TXLNG: variants seen among roughly 807,000 people sequenced by gnomAD.
TXLNG encodes gamma-taxilin.
Under a neutral mutation model 38.8 loss-of-function variants are expected in TXLNG, and 5 were observed. That is an observed-to-expected ratio of 0.13 (90% CI 0.07 to 0.27). The LOEUF is 0.27. TXLNG is among the 10% of genes least tolerant of loss of function. The probability of loss-of-function intolerance (pLI) is 1.00; values close to 1 mark genes in which losing one functional copy is unlikely to be tolerated. For synonymous variants in TXLNG, 182 were observed against 158.2 expected, an observed-to-expected ratio of 1.15 and a Z score of -1.13; for missense variants, 393 against 398.2, an observed-to-expected ratio of 0.99 and a Z score of 0.11.
At chrX:16,840,989 AAT>A (rs1929788248) in intron 9 of TXLNG, among the ~76,000 whole-genome samples, 1 of 110,116 alleles carries the variant, frequency 9.1e-6, no homozygotes, top group Non-Finnish European at 1.9e-5. Flanking sequence ...GAGGTCAGGA[AAT>A]CAAGACCATC....
intron 1 of TXLNG, among the ~76,000 whole-genome samples, chrX:16,815,301 G>A (rs999565157): frequency 1.8e-5 from 2 of 109,569 alleles, no homozygotes; most frequent in Non-Finnish European, 3.8e-5. Flanking sequence ...TCAGCCTCCC[G>A]AGTAGCTGGG....
chrX:16,812,036 C>T (rs1928539838), intron 1 of TXLNG, among the ~76,000 whole-genome samples: 1 of 105,367 alleles, frequency 9.5e-6, no homozygotes, highest in African/African-American at 3.5e-5. Context: ...TGTAGTCTTG[C>T]TCTGTTGCCC....
chrX:16,822,791 C>T (rs900987597), intron 3 of TXLNG, among the ~76,000 whole-genome samples: 23 of 111,952 alleles, frequency 2.1e-4, no homozygotes, highest in African/African-American at 7.5e-4. Context: ...TGGTTGTTCT[C>T]AGACTCACAC....
chrX:16,844,069 C>G lies in TXLNG; in HGVS notation c.*2303C>G, dbSNP rs1454518911. On this transcript the variant is annotated 3_prime_UTR_variant, in exon 10 of 10. Coordinates refer to ENST00000380122, the MANE Select transcript of TXLNG (RefSeq NM_018360.3). Reference sequence around the variant, plus strand: ...TTCACTTAAATTGCAATTGTTGCACCATCATGGAATCGTGATGTGTATTAT... The same window carrying G: ...TTCACTTAAATTGCAATTGTTGCACGATCATGGAATCGTGATGTGTATTAT... 1 of 110,813 alleles carries G rather than the reference C, an allele frequency of 9.0e-6. No individual in the cohort carries two copies. The highest frequency in any genetic ancestry group is 1.9e-5 in the Non-Finnish European group (1 of 53,130). 9.1% of individuals were successfully genotyped at this position (110,813 alleles called of 1,213,427 possible). A position where few individuals can be genotyped will look rare whatever the true frequency, so the allele number is the denominator to read the frequency against.
intron 7 of TXLNG, among the ~76,000 whole-genome samples, chrX:16,834,952 C>T (rs1219560606): frequency 1.8e-5 from 2 of 109,430 alleles, no homozygotes; most frequent in Non-Finnish European, 3.8e-5. Flanking sequence ...GCGGCAGGAT[C>T]GCTTGTGCTG....
chrX:16,810,067 TACTTA>T (rs769464963), intron 1 of TXLNG, among the ~76,000 whole-genome samples: 2 of 111,893 alleles, frequency 1.8e-5, no homozygotes, highest in Non-Finnish European at 3.8e-5. Flanking sequence ...TTAGGCAGGA[TACTTA>T]ACTTTACATG....
At chrX:16,818,199 C>T (rs1477953026) in intron 1 of TXLNG, among the ~76,000 whole-genome samples, 1 of 110,725 alleles carries the variant, frequency 9.0e-6, no homozygotes, top group Non-Finnish European at 1.9e-5. Context: ...GCTAGCCATC[C>T]CTGCTGTACT....
chrX:16,838,179 G>A (rs1484849579), intron 8 of TXLNG, among the ~76,000 whole-genome samples: 1 of 111,431 alleles, frequency 9.0e-6, no homozygotes, highest in Admixed American at 9.6e-5. Flanking sequence ...CAATTCTTTT[G>A]CTTCTGTTGC....
chrX:16,832,758 TAAAAAC>T lies in TXLNG; in HGVS notation c.984+20_984+25del, dbSNP rs1349766190. 15 of 1,171,857 alleles carry T rather than the reference TAAAAAC, an allele frequency of 1.3e-5. No homozygotes were observed. The East Asian group carries it at 3.3e-4, about 26-fold the overall frequency. On this transcript the variant is annotated intron_variant, in intron 6 of 9. Transcript: ENST00000380122. ...GAGAGAGTTTGTAAGTTCTACTTCT[TAAAAAC>T]AAAGACATTATTGCCAACATTGTAA...
At chrX:16,790,357 C>A (rs1927658508) in intron 1 of TXLNG, among the ~76,000 whole-genome samples, 1 of 110,404 alleles carries the variant, frequency 9.1e-6, no homozygotes, top group Non-Finnish European at 1.9e-5. Flanking sequence ...CTACTGACAG[C>A]CACTGATTTT....
At position 16,841,433 on chromosome X, in the gene TXLNG, A is replaced by T; in HGVS notation, c.1254A>T (p.Thr418=). The change falls in exon 10 of 10, where the codon ACA becomes ACT. Residue 418 remains threonine, a synonymous_variant. Coordinates refer to ENST00000380122, the MANE Select transcript of TXLNG (RefSeq NM_018360.3). ...KALLQMAEEK[T]VRDKEYKALQ... is the part of the protein sequence containing the mutation. ...AATCCTCTTTTTTCTTACAGAAAAC[A>T]GTCCGTGATAAAGAGTACAAGGCCC... 1 of 1,186,743 alleles carries T rather than the reference A, an allele frequency of 8.4e-7. No homozygotes were observed. The highest frequency in any genetic ancestry group is 1.9e-5 in the South Asian group (1 of 53,885).
chrX:16,806,571 C>T (rs978467323), intron 1 of TXLNG, among the ~76,000 whole-genome samples: 1 of 110,839 alleles, frequency 9.0e-6, no homozygotes, highest in Non-Finnish European at 1.9e-5. Flanking sequence ...CATCTGAGGC[C>T]AGGAGTTCAA....
intron 3 of TXLNG, among the ~76,000 whole-genome samples, chrX:16,825,510 G>A (rs1051845909): frequency 8.9e-6 from 1 of 112,128 alleles, no homozygotes; most frequent in Non-Finnish European, 1.9e-5. Context: ...AAAGAGTTTT[G>A]TGTGTATGTG....
chrX:16,831,228 G>T (rs949325253), intron 5 of TXLNG, among the ~76,000 whole-genome samples: 1 of 111,872 alleles, frequency 8.9e-6, no homozygotes, highest in African/African-American at 3.2e-5. Flanking sequence ...GAGCCCAGGA[G>T]TTCGAGACCA....
At chrX:16,810,808 C>T (rs1400132571) in intron 1 of TXLNG, among the ~76,000 whole-genome samples, 5 of 111,548 alleles carry the variant, frequency 4.5e-5, no homozygotes, top group Non-Finnish European at 5.6e-5. Context: ...TGTGCCTCAG[C>T]CTCCCGAGTT....
intron 5 of TXLNG, 123 bp from the exon 6 acceptor site, chrX:16,832,500 C>T (rs1416180034): frequency 3.2e-6 from 3 of 939,717 alleles, no homozygotes; most frequent in Non-Finnish European, 4.4e-6. Flanking sequence ...AGCTGGTGTT[C>T]TTAGCTGCAG....
At chrX:16,825,470 A>T (rs1929133413) in intron 3 of TXLNG, among the ~76,000 whole-genome samples, 1 of 112,355 alleles carries the variant, frequency 8.9e-6, no homozygotes, top group African/African-American at 3.2e-5. Context: ...GACAGCCCAG[A>T]TGCCTGTTGA....
At chrX:16,835,298 C>T (rs775675896) in intron 7 of TXLNG, among the ~76,000 whole-genome samples, 1 of 111,388 alleles carries the variant, frequency 9.0e-6, no homozygotes, top group Non-Finnish European at 1.9e-5. Context: ...TCATGAGCAC[C>T]TCTTTGGAGT....
chrX:16,795,011 C>T (rs935914846), intron 1 of TXLNG, among the ~76,000 whole-genome samples: 1 of 111,465 alleles, frequency 9.0e-6, no homozygotes, highest in Admixed American at 9.7e-5. Flanking sequence ...GGCGCGGTGG[C>T]TCACACCTGT....
Sources: gnomAD v4.1 joint callset for allele counts (sites outside exome capture counted in the v4.1 genomes callset) on GRCh38, gnomAD v4.1.1 for gene constraint, MANE v1.5 for transcripts, NCBI Gene and HGNC (gene_info 2026-07-23, HGNC 2026-07-21) for gene names.